MAD1L1: variants seen among roughly 807,000 people sequenced by gnomAD.
MAD1L1 encodes the protein mitotic spindle assembly checkpoint protein MAD1.
Under a neutral mutation model 96.9 loss-of-function variants are expected in MAD1L1, and 95 were observed. The observed-to-expected ratio is 0.98, with a 90% confidence interval of 0.83 to 1.16. MAD1L1 has a LOEUF of 1.16. Ranked by LOEUF, MAD1L1 falls within the 50% of genes most tolerant of loss-of-function variation. MAD1L1 has a pLI of 0.00. For missense variants in MAD1L1, 1,007 were observed against 954.4 expected (o/e 1.06, Z -0.73); for synonymous variants, 473 against 396.6 (o/e 1.19, Z -2.29).
chr7:1,940,140 G>A (rs530719415), intron 16 of MAD1L1: 1 of 152,416 alleles, frequency 6.6e-6, no homozygotes, highest in Admixed American at 6.5e-5. Context: ...CGCCGCAGAG[G>A]GAAGCGGGGT....
At chr7:2,149,061 C>A (rs968848188) in intron 11 of MAD1L1, 91 bp downstream of exon 11, 2 of 1,113,004 alleles carry the variant, frequency 1.8e-6, no homozygotes. Flanking sequence ...GGACAGCCAT[C>A]CCCCAAGAGC....
At chr7:2,013,555 G>A (rs1782396637) in intron 13 of MAD1L1, among the ~76,000 whole-genome samples, 1 of 152,246 alleles carries the variant, frequency 6.6e-6, no homozygotes, top group African/African-American at 2.4e-5. Flanking sequence ...CCACTCCATA[G>A]GATACGGTGA....
chr7:2,021,492 C>G (rs768349001), intron 12 of MAD1L1, among the ~76,000 whole-genome samples: 1 of 152,196 alleles, frequency 6.6e-6, no homozygotes, highest in Non-Finnish European at 1.5e-5. Flanking sequence ...GCGGGGCACA[C>G]TGGCTCACAC....
In MAD1L1 at chr7:2,149,216, A is replaced by G. The variant is rs886111726; in HGVS notation, c.1009T>C (p.Phe337Leu). Residue 337 changes from phenylalanine to leucine, a missense_variant, in exon 11 of 19, where the codon TTC becomes CTC. Transcript: ENST00000265854. The stretch of plus-strand genomic sequence containing the variant: ...TCCCTCTGCTGCAGCTCAACCACGA[A>G]TCTGGAAAGGTCTTCTGGAGTCCTG... ...SIRTPEDLSR[F>L]VVELQQRELA... 10 of 1,613,914 alleles carry G rather than the reference A, an allele frequency of 6.2e-6. No homozygotes were observed. The African/African-American group carries it at 1.3e-4, about 22-fold the overall frequency.
chr7:1,967,009 G>C (rs897199049), intron 15 of MAD1L1, among the ~76,000 whole-genome samples: 1 of 152,264 alleles, frequency 6.6e-6, no homozygotes, highest in South Asian at 2.1e-4. Context: ...AGGAGGAACA[G>C]ATGGCAGCTA....
intron 18 of MAD1L1, among the ~76,000 whole-genome samples, chr7:1,894,192 C>G (rs1469485180): frequency 6.6e-6 from 1 of 152,178 alleles, no homozygotes; most frequent in Non-Finnish European, 1.5e-5. Context: ...GAGCTCCTGC[C>G]AGAAGACTTG....
chr7:1,861,290 G>A (rs929147436), intron 18 of MAD1L1, among the ~76,000 whole-genome samples: 1 of 152,202 alleles, frequency 6.6e-6, no homozygotes, highest in Non-Finnish European at 1.5e-5. Context: ...CAAGGGCCCT[G>A]GGCACATGGC....
intron 18 of MAD1L1, chr7:1,846,262 T>C (rs1672792236): frequency 1.3e-5 from 2 of 152,586 alleles, no homozygotes; most frequent in Admixed American, 6.5e-5. Flanking sequence ...TGGACGTCCA[T>C]GGCTGACAGC....
intron 13 of MAD1L1, among the ~76,000 whole-genome samples, chr7:2,008,078 A>G (rs1292041165): frequency 6.6e-6 from 1 of 152,234 alleles, no homozygotes; most frequent in African/African-American, 2.4e-5. Flanking sequence ...GACGGTCAAC[A>G]TGGATCAAAT....
intron 13 of MAD1L1, among the ~76,000 whole-genome samples, chr7:2,014,152 C>G (rs902557819): frequency 2.0e-5 from 3 of 152,234 alleles, no homozygotes; most frequent in African/African-American, 7.2e-5. Flanking sequence ...GAGACCAGGT[C>G]TCCTTGGCAG....
intron 18 of MAD1L1, chr7:1,846,128 G>A (rs1562450600): frequency 6.5e-6 from 1 of 152,690 alleles, no homozygotes. Flanking sequence ...AACTGAAGAA[G>A]GGACCAGCCC....
intron 11 of MAD1L1, among the ~76,000 whole-genome samples, chr7:2,145,598 G>T (rs1041003314): frequency 6.6e-6 from 1 of 152,216 alleles, no homozygotes; most frequent in African/African-American, 2.4e-5. Context: ...TCCGAGATAT[G>T]GTGTCATTTT....
At chr7:2,217,884 C>T (rs1047204814) in intron 7 of MAD1L1, 78 bp downstream of exon 7, 10 of 1,229,838 alleles carry the variant, frequency 8.1e-6, no homozygotes, top group Middle Eastern at 2.3e-4. Context: ...TCGGCACCAG[C>T]GCAGAAAGGC....
At chr7:1,989,299 G>A (rs1241564203) in intron 14 of MAD1L1, among the ~76,000 whole-genome samples, 4 of 152,256 alleles carry the variant, frequency 2.6e-5, no homozygotes, top group African/African-American at 7.2e-5. Context: ...CTTCTCTCAC[G>A]CCCAGGAGCG....
chr7:2,053,144 AG>A (rs1464267589), intron 12 of MAD1L1, among the ~76,000 whole-genome samples: 1 of 152,222 alleles, frequency 6.6e-6, no homozygotes, highest in Admixed American at 6.5e-5. Context: ...GTTGAAAGCA[AG>A]TAACACCCTC....
At chr7:1,994,022 G>A (rs576760836) in intron 14 of MAD1L1, among the ~76,000 whole-genome samples, 2 of 152,370 alleles carry the variant, frequency 1.3e-5, no homozygotes, top group African/African-American at 4.8e-5. Context: ...TGTGAACCCT[G>A]GAGCACTCTC....
chr7:2,166,122 T>C (rs564220813), intron 10 of MAD1L1, among the ~76,000 whole-genome samples: 1 of 152,332 alleles, frequency 6.6e-6, no homozygotes, highest in East Asian at 1.9e-4. Flanking sequence ...CCACCACGAC[T>C]GTGACGTGGT....
At chr7:1,858,948 T>C (rs954291003) in intron 18 of MAD1L1, among the ~76,000 whole-genome samples, 1 of 152,120 alleles carries the variant, frequency 6.6e-6, no homozygotes, top group Non-Finnish European at 1.5e-5. Flanking sequence ...ACCACGCCTT[T>C]CCACTGAGGC....
chr7:2,216,382 C>A, intron 7 of MAD1L1, 95 bp from the exon 8 acceptor site: 6 of 1,274,112 alleles, frequency 4.7e-6, no homozygotes, highest in Admixed American at 2.3e-5. Context: ...GGAAGCCGGT[C>A]TGCAACGGCT....
Sources: allele counts gnomAD v4.1 joint callset (sites outside exome capture counted in the v4.1 genomes callset), GRCh38; gene constraint gnomAD v4.1.1; transcripts MANE v1.5; gene names NCBI Gene and HGNC (gene_info 2026-07-23, HGNC 2026-07-21).